MAL2: variants seen among roughly 807,000 people sequenced by gnomAD.
MAL2 encodes the protein mal, T cell differentiation protein 2.
MAL2 carries 17 observed loss-of-function variants against 18.1 expected under a neutral mutation model. The observed-to-expected ratio is 0.94, with a 90% CI of 0.64 to 1.41. MAL2 has a LOEUF of 1.41. MAL2 is among the 40% of genes most tolerant of loss of function. MAL2 has a pLI of 0.00. For synonymous variants in MAL2, 102 were observed against 102.3 expected (o/e 1.00, Z 0.02); for missense variants, 222 against 231.9 (o/e 0.96, Z 0.28).
chr8:119,230,750 A>G (rs113072183), intron 2 of MAL2, among the ~76,000 whole-genome samples: 4 of 152,280 alleles, frequency 2.6e-5, no homozygotes, highest in African/African-American at 9.6e-5. Flanking sequence ...TTTTCTTACT[A>G]AGATCTAGCA....
chr8:119,208,687 G>A lies in MAL2; in HGVS notation c.132+83G>A. Reference sequence around the variant, plus strand: ...CTTGTCCCCCGGGCTGTCTTCCTCTGCGTCCGCCCCCGGCCTCCTTCCCTT... The same window carrying A: ...CTTGTCCCCCGGGCTGTCTTCCTCTACGTCCGCCCCCGGCCTCCTTCCCTT... On this transcript the variant is annotated intron_variant, in intron 1 of 3. Coordinates refer to ENST00000614891, the MANE Select transcript of MAL2 (RefSeq NM_052886.3). This position sits in a 1 kb window ranked among gnomAD's most constrained non-coding sequence, Gnocchi z 4.3. 2 of 1,218,204 alleles carry A rather than the reference G, an allele frequency of 1.6e-6. No homozygotes were observed. The highest frequency in any genetic ancestry group is 2.0e-6 in the Non-Finnish European group (2 of 977,552). The allele number at this position is 1,218,204 out of a possible 1,614,324, so 75.5% of individuals were successfully genotyped here.
chr8:119,237,378 A>T (rs1208148270), intron 2 of MAL2, among the ~76,000 whole-genome samples: 1 of 151,748 alleles, frequency 6.6e-6, no homozygotes, highest in Non-Finnish European at 1.5e-5. Flanking sequence ...AACTGGTACC[A>T]TTCCTTCTGC....
chr8:119,221,408 C>A, intron 1 of MAL2, 179 bp from the exon 2 acceptor site: 1 of 669,032 alleles, frequency 1.5e-6, no homozygotes, highest in Non-Finnish European at 2.5e-6. Context: ...GATCTTGCAC[C>A]TGAGGAAAGA....
Position 119,243,497 on chromosome 8 carries a change from A to G in MAL2, c.*9A>G. 1 of 1,582,192 alleles carries G rather than the reference A, an allele frequency of 6.3e-7. No individual in the cohort carries two copies. The highest frequency in any genetic ancestry group is 8.6e-7 in the Non-Finnish European group (1 of 1,162,606). The stretch of plus-strand genomic sequence containing the variant: ...GAAGATGGCGACCGTAACACTCCTT[A>G]GAAACTGGCAGTCGTATGTTAGTTT... On this transcript the variant is annotated 3_prime_UTR_variant, in exon 4 of 4. Coordinates refer to ENST00000614891, the MANE Select transcript of MAL2 (RefSeq NM_052886.3).
At chr8:119,232,447 TAAAC>T (rs1221115234) in intron 2 of MAL2, among the ~76,000 whole-genome samples, 4 of 152,118 alleles carry the variant, frequency 2.6e-5, no homozygotes, top group Admixed American at 1.3e-4. Flanking sequence ...CTATTAAAAA[TAAAC>T]AGTGATGTGT....
intron 2 of MAL2, among the ~76,000 whole-genome samples, chr8:119,239,088 AAC>A (rs1320135987): frequency 6.6e-6 from 1 of 152,156 alleles, no homozygotes; most frequent in Non-Finnish European, 1.5e-5. Context: ...AAGAAAAAAA[AAC>A]AACCCCATCA....
Position 119,240,199 on chromosome 8 carries a change from A to G in MAL2, c.338A>G (p.Tyr113Cys), listed in dbSNP as rs1818017632. Residue 113 changes from tyrosine to cysteine, a missense_variant, in exon 3 of 4, where the codon TAT becomes TGT. Coordinates refer to ENST00000614891, the MANE Select transcript of MAL2 (RefSeq NM_052886.3). Reference protein sequence around the residue: ...FAYHFTVFVFYFGAFLLEAAA... With the variant: ...FAYHFTVFVFCFGAFLLEAAA... ...TACCATTTTACAGTATTTGTCTTCT[A>G]TTTTGGAGCCTTTTTATTGGAAGCA... is the stretch of plus-strand genomic sequence containing the variant. The G allele has an allele frequency of 6.2e-7, 1 of 1,613,218 alleles. No individual in the cohort carries two copies. The highest frequency in any genetic ancestry group is 1.7e-5 in the Admixed American group (1 of 59,888).
At chr8:119,224,124 TTGAC>T (rs943774608) in intron 2 of MAL2, 1 of 152,224 alleles carries the variant, frequency 6.6e-6, no homozygotes, top group African/African-American at 2.4e-5. Flanking sequence ...CTGGGTTTTA[TTGAC>T]TAAGAAAATT....
At chr8:119,240,087 C>A in intron 2 of MAL2, 78 bp from the exon 3 acceptor site, 1 of 1,444,108 alleles carries the variant, frequency 6.9e-7, no homozygotes, top group Non-Finnish European at 9.5e-7. Flanking sequence ...TCTTGCTAAA[C>A]CTAAACTTCA....
chr8:119,221,975 T>C (rs1228932089), intron 2 of MAL2, among the ~76,000 whole-genome samples: 2 of 152,224 alleles, frequency 1.3e-5, no homozygotes, highest in African/African-American at 4.8e-5. Flanking sequence ...TGAGAAATAA[T>C]TGTTACTCCT....
chr8:119,228,087 C>T (rs985851492), intron 2 of MAL2, among the ~76,000 whole-genome samples: 4 of 152,192 alleles, frequency 2.6e-5, no homozygotes, highest in African/African-American at 9.6e-5. Context: ...CTTTCGCCCT[C>T]TTATGGCACA....
intron 2 of MAL2, among the ~76,000 whole-genome samples, chr8:119,233,161 A>C (rs547678190): frequency 2.6e-5 from 4 of 152,230 alleles, no homozygotes; most frequent in East Asian, 1.9e-4. Context: ...TCTCTGGGAC[A>C]CATTCAAAGC....
chr8:119,222,973 C>T (rs1817500354), intron 2 of MAL2, among the ~76,000 whole-genome samples: 1 of 152,142 alleles, frequency 6.6e-6, no homozygotes, highest in Non-Finnish European at 1.5e-5. Context: ...TAGAATGACT[C>T]AGAGGATCAC....
chr8:119,237,127 A>C (rs368790814), intron 2 of MAL2, among the ~76,000 whole-genome samples: 1 of 152,224 alleles, frequency 6.6e-6, no homozygotes, highest in Non-Finnish European at 1.5e-5. Context: ...ATCCACAGAA[A>C]TACAAACTGC....
chr8:119,212,087 G>A (rs1817275210), intron 1 of MAL2, among the ~76,000 whole-genome samples: 2 of 152,150 alleles, frequency 1.3e-5, no homozygotes, highest in Admixed American at 1.3e-4. Context: ...TTAAGTATGG[G>A]AAGTGAACTG....
chr8:119,242,631 A>G (rs1164929126), intron 3 of MAL2, among the ~76,000 whole-genome samples: 1 of 152,180 alleles, frequency 6.6e-6, no homozygotes, highest in African/African-American at 2.4e-5. Context: ...TGGAAAGAAA[A>G]GCAGAATAGT....
intron 3 of MAL2, among the ~76,000 whole-genome samples, chr8:119,242,842 G>A (rs753778013): frequency 1.3e-5 from 2 of 152,186 alleles, no homozygotes; most frequent in East Asian, 3.9e-4. Context: ...TATGTACCAA[G>A]TATAGTGATA....
rs550697413 is a variant in MAL2, at chr8:119,243,778, T to G, written c.*290T>G. 2 of 252,058 alleles carry G rather than the reference T, an allele frequency of 7.9e-6. No homozygotes were observed. Among genetic ancestry groups the G allele is most frequent in the African/African-American group, 4.4e-5 (2 of 45,068 alleles). The allele number at this position is 252,058 out of a possible 1,614,324, so 15.6% of individuals were successfully genotyped here. ...CTTTTATGTCCATAAAATACAAATATATTGTTCATAAAAAATTAGTATCCC... is the reference window on the plus strand; with the variant it reads ...CTTTTATGTCCATAAAATACAAATAGATTGTTCATAAAAAATTAGTATCCC... On this transcript the variant is annotated 3_prime_UTR_variant, in exon 4 of 4. Coordinates refer to ENST00000614891, the MANE Select transcript of MAL2 (RefSeq NM_052886.3).
intron 2 of MAL2, among the ~76,000 whole-genome samples, chr8:119,227,840 A>G (rs898055849): frequency 2.0e-5 from 3 of 152,056 alleles, no homozygotes; most frequent in Non-Finnish European, 4.4e-5. Context: ...CTCAAGGCCA[A>G]CTGGTACTCA....
Sources: gnomAD v4.1 joint callset for allele counts (sites outside exome capture counted in the v4.1 genomes callset) on GRCh38, gnomAD v4.1.1 for gene constraint, Gnocchi (gnomAD v3.1) non-coding constraint, MANE v1.5 for transcripts, NCBI Gene and HGNC (gene_info 2026-07-23, HGNC 2026-07-21) for gene names.